The following WNK2 variants were observed in gnomAD, a reference collection of about 807,000 sequenced individuals.
WNK2 encodes serine/threonine-protein kinase WNK2.
Under a neutral mutation model 192.1 loss-of-function variants are expected in WNK2, and 67 were observed. The observed-to-expected ratio is 0.35, with a 90% CI of 0.29 to 0.43. The LOEUF (loss-of-function observed/expected upper bound fraction) is 0.43, where lower values mean the gene tolerates loss of function less well. WNK2 is among the 20% of genes least tolerant of loss of function. WNK2 has a pLI of 1.00. For missense variants in WNK2, 2,698 were observed against 3,089.7 expected (o/e 0.87, Z 3.01); for synonymous variants, 1,439 against 1,393.9 (o/e 1.03, Z -0.72).
At position 93,259,740 on chromosome 9, in the gene WNK2, G is replaced by A. The variant is rs946111663; in HGVS notation, c.3066+126G>A. Reference sequence around the variant, plus strand: ...CCTGGGGTCGCCCCTCTCAGGAAGAGATGTGTGTGAGGCTGAGGGAGGCGG... The same window carrying A: ...CCTGGGGTCGCCCCTCTCAGGAAGAAATGTGTGTGAGGCTGAGGGAGGCGG... On this transcript the variant is annotated intron_variant, in intron 12 of 29. Coordinates refer to ENST00000427277, the MANE Select transcript of WNK2 (RefSeq NM_006648.4). The surrounding 1 kb of genome is among the most constrained non-coding windows in gnomAD (Gnocchi z 4.8). The A allele has an allele frequency of 2.2e-6, 2 of 915,380 alleles. No individual in the cohort carries two copies. Among genetic ancestry groups the A allele is most frequent in the Non-Finnish European group, 1.6e-6 (1 of 626,182 alleles). The allele number at this position is 915,380 out of a possible 1,614,324, so 56.7% of individuals were successfully genotyped here. A position where few individuals can be genotyped will look rare whatever the true frequency, so the allele number is the denominator to read the frequency against.
chr9:93,288,628 T>A (rs1454275932), intron 19 of WNK2, among the ~76,000 whole-genome samples, 160 bp from the exon 20 acceptor site: 1 of 152,190 alleles, frequency 6.6e-6, no homozygotes, highest in Non-Finnish European at 1.5e-5. Context: ...AAGGCTGGGC[T>A]GAGCTGCAGG....
Position 93,229,579 on chromosome 9 carries a change from C to A in WNK2, c.682-117C>A. ...ATGCCCTTCTATCATAGCCGCTTAG[C>A]TGCCTGTGGGTATGGGAAGGGCTGG... is the stretch of plus-strand genomic sequence containing the variant. On this transcript the variant is annotated intron_variant, in intron 2 of 29. Coordinates refer to ENST00000427277, the MANE Select transcript of WNK2 (RefSeq NM_006648.4). The surrounding 1 kb of genome is among the most constrained non-coding windows in gnomAD (Gnocchi z 4.9). 1 of 1,186,754 alleles carries A rather than the reference C, an allele frequency of 8.4e-7. No individual in the cohort carries two copies. Among genetic ancestry groups the A allele is most frequent in the Non-Finnish European group, 1.2e-6 (1 of 855,258 alleles). 73.5% of individuals were successfully genotyped at this position (1,186,754 alleles called of 1,614,324 possible).
chr9:93,288,059 G>T (rs1045272054), intron 19 of WNK2, among the ~76,000 whole-genome samples: 4 of 152,154 alleles, frequency 2.6e-5, no homozygotes, highest in Non-Finnish European at 5.9e-5. Context: ...AAAAAGAAAG[G>T]TCGGGTTGCA....
intron 26 of WNK2, among the ~76,000 whole-genome samples, chr9:93,304,083 G>A (rs1347263567): frequency 6.6e-6 from 1 of 152,212 alleles, no homozygotes; most frequent in Non-Finnish European, 1.5e-5. Flanking sequence ...GCGAATGTGG[G>A]GATTGCTCAG....
chr9:93,317,739 G>T (rs1854978172), intron 29 of WNK2, 108 bp downstream of exon 29: 1 of 1,482,684 alleles, frequency 6.7e-7, no homozygotes. Flanking sequence ...AGGCCAGGTG[G>T]GCCAGCTGGG....
intron 2 of WNK2, among the ~76,000 whole-genome samples, chr9:93,208,725 TGCG>T (rs1833890653): frequency 5.3e-3 from 2 of 374 alleles, no homozygotes; most frequent in Admixed American, 0.022. Context: ...ATGCTCTTCG[TGCG>T]TGTTCTGTGT....
At chr9:93,244,839 G>A (rs1414617946) in intron 7 of WNK2, among the ~76,000 whole-genome samples, 1 of 152,202 alleles carries the variant, frequency 6.6e-6, no homozygotes. Flanking sequence ...AGGCTCCCTA[G>A]AAAAAAGTCT....
intron 19 of WNK2, among the ~76,000 whole-genome samples, chr9:93,281,477 C>CT (rs972499879): frequency 3.3e-5 from 5 of 151,854 alleles, no homozygotes; most frequent in African/African-American, 1.2e-4. Flanking sequence ...TCGGCAAGCT[C>CT]TAAAGAAACT....
chr9:93,259,582 C>A lies in WNK2; in HGVS notation c.3034C>A (p.Gln1012Lys). Residue 1012 changes from glutamine (Q) to lysine (K), a missense_variant, in exon 12 of 30, where the codon CAA becomes AAA. Coordinates refer to ENST00000427277, the MANE Select transcript of WNK2 (RefSeq NM_006648.4). This position sits in a 1 kb window ranked among gnomAD's most constrained non-coding sequence, Gnocchi z 4.8. ...PEPLQPHLPE[Q>K]AAPAATPGSQ... ...GCCCCTCCAGCCCCACCTTCCTGAA[C>A]AAGCTGCTCCAGCTGCTACACCAGG... 2 of 1,593,444 alleles carry A rather than the reference C, an allele frequency of 1.3e-6. No homozygotes were observed. Among genetic ancestry groups the A allele is most frequent in the Non-Finnish European group, 1.7e-6 (2 of 1,177,022 alleles).
At chr9:93,246,532 G>A (rs145889999) in intron 7 of WNK2, among the ~76,000 whole-genome samples, 1 of 152,318 alleles carries the variant, frequency 6.6e-6, no homozygotes, top group East Asian at 1.9e-4. Context: ...CCAGCAAAAA[G>A]GTTCCTGTTG....
rs1472237741 is a variant in WNK2, at chr9:93,247,951, G to A, written c.1834+117G>A. On this transcript the variant is annotated intron_variant, in intron 8 of 29. Coordinates refer to ENST00000427277, the MANE Select transcript of WNK2 (RefSeq NM_006648.4). The surrounding 1 kb of genome is among the most constrained non-coding windows in gnomAD (Gnocchi z 5.2). ...CTTTATTGGAATGCTTTGTGAGGAA[G>A]GGGGTCCGCATGGCATCCCCTCGGA... 2 of 1,223,230 alleles carry A rather than the reference G, an allele frequency of 1.6e-6. No individual in the cohort carries two copies. The highest frequency in any genetic ancestry group is 1.5e-5 in the African/African-American group (1 of 66,492). 75.8% of individuals were successfully genotyped at this position (1,223,230 alleles called of 1,614,324 possible). A position where few individuals can be genotyped will look rare whatever the true frequency, so the allele number is the denominator to read the frequency against.
Position 93,259,071 on chromosome 9 carries a change from G to C in WNK2, c.2523G>C (p.Pro841=), listed in dbSNP as rs139745075. 1 of 1,613,154 alleles carries C rather than the reference G, an allele frequency of 6.2e-7. No homozygotes were observed. Among genetic ancestry groups the C allele is most frequent in the Non-Finnish European group, 8.5e-7 (1 of 1,179,772 alleles). ...PQYFSPAVIL[P]SLAAPLPPAS... ...ATTTCTCTCCAGCCGTGATCTTGCC[G>C]AGCCTCGCTGCCCCACTCCCCCCTG... Residue 841 remains proline (P), a synonymous_variant, in exon 12 of 30, where the codon CCG becomes CCC. Coordinates refer to ENST00000427277, the MANE Select transcript of WNK2 (RefSeq NM_006648.4). The surrounding 1 kb of genome is among the most constrained non-coding windows in gnomAD (Gnocchi z 4.8).
Position 93,309,170 on chromosome 9 carries a change from A to G in WNK2, c.6516+586A>G, listed in dbSNP as rs1413334394. 3 of 975,760 alleles carry G rather than the reference A, an allele frequency of 3.1e-6. No homozygotes were observed. In the African/African-American group the frequency reaches 5.3e-5, roughly 17 times the overall value. The allele number at this position is 975,760 out of a possible 1,614,324, so 60.4% of individuals were successfully genotyped here. ...GACTGGTGTTATTTCTATCTCAAAT[A>G]TTTAGTAAAGGTCATTTGTGAATCC... On this transcript the variant is annotated intron_variant, in intron 28 of 29. Transcript: ENST00000427277.
rs1588484590 is a variant in WNK2 at position 93,292,683 on chromosome 9, T to C, written c.5218T>C (p.Ser1740Pro). Residue 1740 changes from serine (S) to proline (P), a missense_variant, in exon 23 of 30, where the codon TCA becomes CCA. Physicochemically the swap from Ser to Pro is moderately conservative, Grantham distance 74. Transcript: ENST00000427277. Reference sequence around the variant, plus strand: ...ACGTCCAGAGCAGCAGGATGTCAGCTCACCAGCCAAGACTGTGGGCCGTTT... The same window carrying C: ...ACGTCCAGAGCAGCAGGATGTCAGCCCACCAGCCAAGACTGTGGGCCGTTT... Reference protein sequence around the residue: ...RKRPEQQDVSSPAKTVGRFSV... With the variant: ...RKRPEQQDVSPPAKTVGRFSV... The C allele has an allele frequency of 6.4e-7, 1 of 1,569,046 alleles. No homozygotes were observed. The highest frequency in any genetic ancestry group is 1.9e-5 in the Admixed American group (1 of 53,398).
Position 93,256,484 on chromosome 9 carries a change from C to T in WNK2, c.2190+30C>T, listed in dbSNP as rs1204920540. 2.0e-6 allele frequency: 3 copies of T among 1,494,582 alleles called. No homozygotes were observed. In the East Asian group the frequency reaches 7.6e-5, roughly 38 times the overall value. 92.6% of individuals were successfully genotyped at this position (1,494,582 alleles called of 1,614,324 possible). A position where few individuals can be genotyped will look rare whatever the true frequency, so the allele number is the denominator to read the frequency against. On this transcript the variant is annotated intron_variant, in intron 10 of 29. Transcript: ENST00000427277. The stretch of plus-strand genomic sequence containing the variant: ...GTGTGGCACCTCCTGTGGCCACTGT[C>T]CCTCCAGGCAGGCAGTCACCTGTGC...
rs963465985 is a variant in WNK2, at chr9:93,247,166, C to T, written c.1543-377C>T. Among the ~76,000 whole-genome samples the T allele has an allele frequency of 1.2e-4, 18 of 152,266 alleles. No individual in the cohort carries two copies. Among genetic ancestry groups the T allele is most frequent in the African/African-American group, 4.1e-4 (17 of 41,474 alleles). ...GACTCAGAGACGTTTCAGGAAAATG[C>T]TAGCTCCAAAGCTCCTTGTCACCAC... On this transcript the variant is annotated intron_variant, in intron 7 of 29. Coordinates refer to ENST00000427277, the MANE Select transcript of WNK2 (RefSeq NM_006648.4). The surrounding 1 kb of genome is among the most constrained non-coding windows in gnomAD (Gnocchi z 5.2).
At chr9:93,305,083 G>A (rs546895585) in intron 26 of WNK2, among the ~76,000 whole-genome samples, 12 of 152,278 alleles carry the variant, frequency 7.9e-5, no homozygotes, top group Non-Finnish European at 1.8e-4. Context: ...GCCGGCAGCC[G>A]GCCTGTTTGA....
intron 29 of WNK2, chr9:93,318,803 C>T: frequency 1.4e-6 from 2 of 1,410,864 alleles, no homozygotes; most frequent in South Asian, 3.2e-5. Flanking sequence ...GGGACTCGTC[C>T]CCAGTGGGCA....
chr9:93,231,077 G>C lies in WNK2; in HGVS notation c.1044G>C (p.Leu348=), dbSNP rs763168499. 6.2e-7 allele frequency: 1 copy of C among 1,613,958 alleles called. No homozygotes were observed. The highest frequency in any genetic ancestry group is 8.5e-7 in the Non-Finnish European group (1 of 1,179,884). ...TTGGCGACTTGGGCCTGGCCACTCT[G>C]AAAAGAGCGTCATTTGCCAAAAGTG... ...VKIGDLGLAT[L]KRASFAKSVI... Residue 348 remains leucine (L), a synonymous_variant, in exon 4 of 30, where the codon CTG becomes CTC. Transcript: ENST00000427277.
Sources: allele counts gnomAD v4.1 joint callset (sites outside exome capture counted in the v4.1 genomes callset), GRCh38; gene constraint gnomAD v4.1.1; non-coding constraint Gnocchi (gnomAD v3.1); transcripts MANE v1.5; gene names NCBI Gene and HGNC (gene_info 2026-07-23, HGNC 2026-07-21).